The following SEC22C variants were observed in gnomAD, a reference collection of about 807,000 sequenced individuals.
SEC22C encodes SEC22 homolog C, vesicle trafficking protein.
In SEC22C, 29 loss-of-function variants were observed where a neutral mutation model predicts 34.7. The ratio of observed to expected loss-of-function variants is 0.84; its 90% confidence interval spans 0.62 to 1.14. The LOEUF is 1.14. SEC22C is among the 50% of genes most tolerant of loss of function. The probability of loss-of-function intolerance (pLI) is 0.00; values close to 1 mark genes in which losing one functional copy is unlikely to be tolerated. For synonymous variants in SEC22C, 117 were observed against 132.8 expected, an observed-to-expected ratio of 0.88 and a Z score of 0.82; for missense variants, 337 against 369.0, an observed-to-expected ratio of 0.91 and a Z score of 0.71.
At chr3:42,566,768 C>T in intron 2 of SEC22C, 1 of 355,470 alleles carries the variant, frequency 2.8e-6, no homozygotes, top group Non-Finnish European at 5.8e-6. Flanking sequence ...CTTTGGAAGG[C>T]CAAGGCGGGA....
intron 1 of SEC22C, among the ~76,000 whole-genome samples, chr3:42,599,409 C>T (rs1244082417): frequency 1.3e-5 from 2 of 151,606 alleles, no homozygotes; most frequent in African/African-American, 2.4e-5. Flanking sequence ...AGAGTCTTTT[C>T]AGGCCGGGCG....
intron 4 of SEC22C, among the ~76,000 whole-genome samples, chr3:42,558,874 C>G (rs1257144976): frequency 1.3e-5 from 2 of 152,126 alleles, no homozygotes; most frequent in Non-Finnish European, 2.9e-5. Context: ...AATTGGTTGT[C>G]AAATGTTTAA....
chr3:42,548,530 A>G lies in SEC22C; in HGVS notation c.*4718T>C. On this transcript the variant is annotated 3_prime_UTR_variant, in exon 7 of 7. Coordinates refer to ENST00000264454, the MANE Select transcript of SEC22C (RefSeq NM_032970.4). The stretch of plus-strand genomic sequence containing the variant: ...CTTTTCCACAGGCTCCCTGCTGATG[A>G]GATTTCCCCAGCAGCAGAAGTTTGA... The G allele has an allele frequency of 6.7e-7, 1 of 1,498,316 alleles. No homozygotes were observed. Among genetic ancestry groups the G allele is most frequent in the Non-Finnish European group, 9.3e-7 (1 of 1,078,670 alleles). The allele number at this position is 1,498,316 out of a possible 1,614,324, so 92.8% of individuals were successfully genotyped here. A position where few individuals can be genotyped will look rare whatever the true frequency, so the allele number is the denominator to read the frequency against.
intron 1 of SEC22C, among the ~76,000 whole-genome samples, chr3:42,592,527 A>G (rs948316021): frequency 6.6e-6 from 1 of 152,186 alleles, no homozygotes; most frequent in Admixed American, 6.5e-5. Flanking sequence ...AGAAAAATAT[A>G]TTATTTCATT....
Position 42,569,092 on chromosome 3 carries a change from C to T in SEC22C, c.-27-19G>A, listed in dbSNP as rs755326170. 6.5e-6 allele frequency: 10 copies of T among 1,545,414 alleles called. No homozygotes were observed. The highest frequency in any genetic ancestry group is 1.7e-4 in the Middle Eastern group (1 of 5,832). ...AGGACACCTGAGGAAAGCAAGGTCA[C>T]CTTGTTACTGAGGCTCAAATGACAG... On this transcript the variant is annotated intron_variant, in intron 1 of 6. Transcript: ENST00000264454.
chr3:42,600,960 C>T lies in SEC22C; in HGVS notation c.-28G>A, dbSNP rs1033950652. The T allele has an allele frequency of 4.7e-6, 7 of 1,490,400 alleles. No individual in the cohort carries two copies. The African/African-American group carries it at 5.7e-5, about 12-fold the overall frequency. The allele number at this position is 1,490,400 out of a possible 1,614,324, so 92.3% of individuals were successfully genotyped here. On this transcript the variant is annotated splice_region_variant and 5_prime_UTR_variant, in exon 1 of 7. Transcript: ENST00000417572. ...CCCCCGCCCTCGCCCCTGCCCTGACCGCTTTTCTCCCCCTCTCTCCCAGCT... is the reference window on the plus strand; with the variant it reads ...CCCCCGCCCTCGCCCCTGCCCTGACTGCTTTTCTCCCCCTCTCTCCCAGCT...
intron 6 of SEC22C, 110 bp from the exon 7 acceptor site, chr3:42,553,558 A>G: frequency 6.9e-7 from 1 of 1,444,234 alleles, no homozygotes; most frequent in South Asian, 1.4e-5. Flanking sequence ...CTCTCACATT[A>G]GCTGATTAAA....
chr3:42,560,141 T>G (rs1664606157), intron 4 of SEC22C, among the ~76,000 whole-genome samples: 1 of 144,100 alleles, frequency 6.9e-6, no homozygotes, highest in African/African-American at 2.5e-5. Flanking sequence ...TATATATAAA[T>G]AATAATTGTT....
Position 42,550,468 on chromosome 3 carries a change from G to A in SEC22C, c.*2780C>T. The A allele has an allele frequency of 2.0e-6, 2 of 985,440 alleles. No individual in the cohort carries two copies. The highest frequency in any genetic ancestry group is 2.4e-6 in the Non-Finnish European group (2 of 829,932). 61.0% of individuals were successfully genotyped at this position (985,440 alleles called of 1,614,324 possible). A position where few individuals can be genotyped will look rare whatever the true frequency, so the allele number is the denominator to read the frequency against. On this transcript the variant is annotated 3_prime_UTR_variant, in exon 7 of 7. Coordinates refer to ENST00000264454, the MANE Select transcript of SEC22C (RefSeq NM_032970.4). ...CTAAGCCTGGGGATTTCCCTCGGATGAAATCACCAGAACTTCTTTCCTATT... is the reference window on the plus strand; with the variant it reads ...CTAAGCCTGGGGATTTCCCTCGGATAAAATCACCAGAACTTCTTTCCTATT...
In SEC22C at chr3:42,550,039, G is replaced by C. The variant is rs1466051273; in HGVS notation, c.*3209C>G. The C allele has an allele frequency of 1.0e-6, 1 of 985,318 alleles. No homozygotes were observed. The highest frequency in any genetic ancestry group is 1.2e-6 in the Non-Finnish European group (1 of 829,944). 61.0% of individuals were successfully genotyped at this position (985,318 alleles called of 1,614,324 possible). A position where few individuals can be genotyped will look rare whatever the true frequency, so the allele number is the denominator to read the frequency against. ...TCATCACAGTAAGACTAGCCTAACA[G>C]GGGAAAACAGATTTACATGTTTCGT... On this transcript the variant is annotated 3_prime_UTR_variant, in exon 7 of 7. Transcript: ENST00000264454.
At chr3:42,555,312 A>T (rs1702466335) in intron 6 of SEC22C, among the ~76,000 whole-genome samples, 1 of 150,876 alleles carries the variant, frequency 6.6e-6, no homozygotes, top group Non-Finnish European at 1.5e-5. Context: ...GTGCCACTGC[A>T]CTCCAGCCTG....
chr3:42,595,146 C>T (rs561229873), intron 1 of SEC22C: 1 of 152,290 alleles, frequency 6.6e-6, no homozygotes, highest in South Asian at 2.1e-4. Flanking sequence ...TATCTAATAT[C>T]ATCTGATAAT....
At position 42,550,427 on chromosome 3, in the gene SEC22C, C is replaced by A; in HGVS notation, c.*2821G>T. The A allele has an allele frequency of 1.0e-6, 1 of 985,390 alleles. No homozygotes were observed. The highest frequency in any genetic ancestry group is 1.2e-6 in the Non-Finnish European group (1 of 829,940). The allele number at this position is 985,390 out of a possible 1,614,324, so 61.0% of individuals were successfully genotyped here. ...CACAAGAGGCTATAAACCTCCAACC[C>A]TGAACCAAGTCAAACCTAAGCCTGG... On this transcript the variant is annotated 3_prime_UTR_variant, in exon 7 of 7. Transcript: ENST00000264454.
In SEC22C at chr3:42,563,602, G is replaced by A; in HGVS notation, c.267C>T (p.Thr89=). The A allele has an allele frequency of 6.2e-7, 1 of 1,614,116 alleles. No individual in the cohort carries two copies. The highest frequency in any genetic ancestry group is 8.5e-7 in the Non-Finnish European group (1 of 1,179,944). The change falls in exon 3 of 7, where the codon ACC becomes ACT. Residue 89 remains threonine, a synonymous_variant. Transcript: ENST00000264454. The part of the protein sequence containing the change: ...PAAMAFCFLE[T]LWWEFTASYD... Reference sequence around the variant, plus strand: ...AGGAAGCTGTGAATTCCCACCACAGGGTCTCCAGGAAGCAGAAGGCCATGG... The same window carrying A: ...AGGAAGCTGTGAATTCCCACCACAGAGTCTCCAGGAAGCAGAAGGCCATGG...
intron 1 of SEC22C, chr3:42,579,408 C>A (rs1007719958): frequency 1.3e-5 from 2 of 150,042 alleles, no homozygotes; most frequent in African/African-American, 4.9e-5. Context: ...TTGAGACCAG[C>A]CTGGGCAACA....
At chr3:42,583,793 T>C (rs1010167568), upstream of SEC22C, among the ~76,000 whole-genome samples, 1 of 152,202 alleles carries the variant, frequency 6.6e-6, no homozygotes, top group African/African-American at 2.4e-5. Flanking sequence ...TCTTCTGCCC[T>C]TGGCATCAGA....
chr3:42,576,375 T>A (rs912967285), intron 1 of SEC22C, among the ~76,000 whole-genome samples: 2 of 152,058 alleles, frequency 1.3e-5, no homozygotes, highest in South Asian at 4.1e-4. Context: ...TGGAAAATTT[T>A]AAAAACAGAG....
rs980283606 is a variant in SEC22C at position 42,561,516 on chromosome 3, C to A, written c.347-220G>T. ...TAAGCCTCCCAAGTAGCTGAGACCA[C>A]AGATGTGTGCCACCACACCTGGCTA... is the stretch of plus-strand genomic sequence containing the variant. On this transcript the variant is annotated intron_variant, in intron 3 of 6. Transcript: ENST00000264454. Among the ~76,000 whole-genome samples, 10 of 152,254 alleles carry A rather than the reference C, an allele frequency of 6.6e-5. No homozygotes were observed. The East Asian group carries it at 1.9e-3, about 29-fold the overall frequency.
At position 42,594,383 on chromosome 3, in the gene SEC22C, A is replaced by T. The variant is rs369498589; in HGVS notation, c.-28+6577T>A. The T allele has an allele frequency of 1.4e-5, 21 of 1,553,188 alleles. No individual in the cohort carries two copies. In the East Asian group the frequency reaches 1.8e-4, roughly 13 times the overall value. On this transcript the variant is annotated intron_variant, in intron 1 of 6. Transcript: ENST00000417572. ...CCAGTTTTTTGTTCATGGTCGGTAAAAACAAGCCTCTGATTTTTGCCTGTT... is the reference window on the plus strand; with the variant it reads ...CCAGTTTTTTGTTCATGGTCGGTAATAACAAGCCTCTGATTTTTGCCTGTT...
Sources: gnomAD v4.1 joint callset for allele counts (sites outside exome capture counted in the v4.1 genomes callset) on GRCh38, gnomAD v4.1.1 for gene constraint, MANE v1.5 for transcripts, NCBI Gene and HGNC (gene_info 2026-07-23, HGNC 2026-07-21) for gene names.